Variants in LMCD1 observed in about 807,000 individuals in gnomAD.
LMCD1 encodes the protein LIM and cysteine-rich domains protein 1.
Under a neutral mutation model 42.7 loss-of-function variants are expected in LMCD1, and 32 were observed. The ratio of observed to expected loss-of-function variants is 0.75; its 90% CI spans 0.57 to 1.01. LMCD1 has a LOEUF of 1.01. Among genes scored for constraint, LMCD1 ranks in the 50% least tolerant of loss-of-function variants. The pLI is 0.00. For synonymous variants in LMCD1, 178 were observed against 184.9 expected (o/e 0.96, Z 0.30); for missense variants, 458 against 483.1 (o/e 0.95, Z 0.49).
At chr3:8,551,395 TCA>T in intron 4 of LMCD1, 1 of 934,536 alleles carries the variant, frequency 1.1e-6, no homozygotes, top group East Asian at 1.2e-4. Context: ...AACACTATGC[TCA>T]CACTGTCAGG....
At chr3:8,550,860 C>G in intron 4 of LMCD1, 9 of 985,120 alleles carry the variant, frequency 9.1e-6, no homozygotes, top group African/African-American at 1.7e-5. Flanking sequence ...ATCGCCATTC[C>G]CAAGAGACAT....
chr3:8,555,722 T>C (rs1694924300), intron 4 of LMCD1, among the ~76,000 whole-genome samples: 1 of 147,772 alleles, frequency 6.8e-6, no homozygotes, highest in Non-Finnish European at 1.5e-5. Flanking sequence ...CGAGCTTTTT[T>C]TTTTTTTTTT....
intron 1 of LMCD1, among the ~76,000 whole-genome samples, chr3:8,507,121 T>G (rs1265469911): frequency 6.6e-6 from 1 of 152,200 alleles, no homozygotes; most frequent in East Asian, 1.9e-4. Context: ...ACCAGCCACT[T>G]TTGCAGGACT....
intron 1 of LMCD1, among the ~76,000 whole-genome samples, chr3:8,519,741 C>CAA (rs59146036): frequency 5.3e-4 from 58 of 109,564 alleles, no homozygotes; most frequent in African/African-American, 1.9e-3. Flanking sequence ...CATATGATAG[C>CAA]AAAAAAAAAA....
chr3:8,538,519 T>C (rs1197900549), intron 3 of LMCD1, among the ~76,000 whole-genome samples: 1 of 152,130 alleles, frequency 6.6e-6, no homozygotes, highest in Non-Finnish European at 1.5e-5. Context: ...ATCACTGTGC[T>C]CTCACTCCCA....
At chr3:8,525,513 C>T (rs1228025159) in intron 1 of LMCD1, among the ~76,000 whole-genome samples, 1 of 151,994 alleles carries the variant, frequency 6.6e-6, no homozygotes, top group Admixed American at 6.6e-5. Flanking sequence ...TTGTGAATAG[C>T]GCTGCAGTGA....
chr3:8,512,800 G>A (rs1559344953), intron 1 of LMCD1, among the ~76,000 whole-genome samples: 1 of 152,186 alleles, frequency 6.6e-6, no homozygotes, highest in Non-Finnish European at 1.5e-5. Flanking sequence ...AAGAGGCTTA[G>A]GGATTCTCTA....
intron 1 of LMCD1, among the ~76,000 whole-genome samples, chr3:8,506,165 C>A (rs752775744): frequency 1.3e-5 from 2 of 152,174 alleles, no homozygotes; most frequent in Non-Finnish European, 2.9e-5. Context: ...AGTTGACTTT[C>A]ACCAATGTAT....
At chr3:8,526,134 C>G (rs140803987) in intron 1 of LMCD1, among the ~76,000 whole-genome samples, 345 of 152,286 alleles carry the variant, frequency 2.3e-3, no homozygotes, top group African/African-American at 7.6e-3. Context: ...AAGGAGCACT[C>G]CCCTCCTCAC....
In LMCD1 at chr3:8,573,551, A is replaced by G. The variant is rs1473136067; in HGVS notation, c.*5953A>G. 2 of 152,236 alleles carry G rather than the reference A, an allele frequency of 1.3e-5. No individual in the cohort carries two copies. The highest frequency in any genetic ancestry group is 2.9e-5 in the Non-Finnish European group (2 of 68,044). The allele number at this position is 152,236 out of a possible 1,614,324, so 9.4% of individuals were successfully genotyped here. A position where few individuals can be genotyped will look rare whatever the true frequency, so the allele number is the denominator to read the frequency against. On this transcript the variant is annotated 3_prime_UTR_variant, in exon 6 of 6. Transcript: ENST00000157600. ...ATGAAAGATGAAACTATGCAATGGC[A>G]TGGCTGTTGGTCATTCACATCTCTC...
chr3:8,532,982 A>G (rs1694440981), intron 2 of LMCD1, among the ~76,000 whole-genome samples, 157 bp downstream of exon 2: 1 of 152,150 alleles, frequency 6.6e-6, no homozygotes, highest in African/African-American at 2.4e-5. Context: ...GGTCCAATTC[A>G]GAAACGAAAA....
Position 8,553,013 on chromosome 3 carries a change from TA to T in LMCD1, c.723+4111del, listed in dbSNP as rs369819549. Among the ~76,000 whole-genome samples the T allele has an allele frequency of 6.7e-4, 102 of 152,314 alleles. 2 individuals carry two copies. In the East Asian group the frequency reaches 0.017, roughly 25 times the overall value. ...TATGTATGTATTTATTTATGTGGGA[TA>T]GGGGGTGGATTACCCCAAGCGAGCC... On this transcript the variant is annotated intron_variant, in intron 4 of 5. Coordinates refer to ENST00000157600, the MANE Select transcript of LMCD1 (RefSeq NM_014583.4).
intron 1 of LMCD1, among the ~76,000 whole-genome samples, chr3:8,520,911 A>G (rs1694192916): frequency 2.0e-5 from 3 of 152,324 alleles, no homozygotes; most frequent in Admixed American, 2.0e-4. Flanking sequence ...CCCCTCAAAT[A>G]ACGGGCTGAC....
At chr3:8,557,441 G>A (rs1390170718) in intron 4 of LMCD1, among the ~76,000 whole-genome samples, 1 of 152,194 alleles carries the variant, frequency 6.6e-6, no homozygotes, top group African/African-American at 2.4e-5. Context: ...GGCACTCTGG[G>A]TTTAGACTGG....
At position 8,570,073 on chromosome 3, in the gene LMCD1, C is replaced by G. The variant is rs1264252141; in HGVS notation, c.*2475C>G. On this transcript the variant is annotated 3_prime_UTR_variant, in exon 6 of 6. Coordinates refer to ENST00000157600, the MANE Select transcript of LMCD1 (RefSeq NM_014583.4). ...GATACATGAATGCATGTGCAAAGGC[C>G]CTGTGGTGGAAGCCCCACCAGTTTA... 2.6e-5 allele frequency: 4 copies of G among 152,430 alleles called. No homozygotes were observed. Among genetic ancestry groups the G allele is most frequent in the African/African-American group, 7.2e-5 (3 of 41,394 alleles). The allele number at this position is 152,430 out of a possible 1,614,324, so 9.4% of individuals were successfully genotyped here.
At chr3:8,546,972 G>T (rs1694749577) in intron 3 of LMCD1, among the ~76,000 whole-genome samples, 1 of 152,182 alleles carries the variant, frequency 6.6e-6, no homozygotes, top group Non-Finnish European at 1.5e-5. Context: ...AGGCAAACTA[G>T]TAAATGTAAT....
chr3:8,566,140 T>C (rs139219783), intron 5 of LMCD1, among the ~76,000 whole-genome samples: 1 of 152,188 alleles, frequency 6.6e-6, no homozygotes, highest in Non-Finnish European at 1.5e-5. Context: ...TTATAAATGG[T>C]AGCTGCTGTT....
chr3:8,552,454 C>T lies in LMCD1; in HGVS notation c.723+3551C>T, dbSNP rs147189883. The stretch of plus-strand genomic sequence containing the variant: ...GTAGGCCTATGCTGTGGTCCTTACA[C>T]TGAAATCACCTGGAAGGCTTGTTCA... On this transcript the variant is annotated intron_variant, in intron 4 of 5. Coordinates refer to ENST00000157600, the MANE Select transcript of LMCD1 (RefSeq NM_014583.4). Among the ~76,000 whole-genome samples the T allele has an allele frequency of 2.0e-5, 3 of 152,286 alleles. No homozygotes were observed. The East Asian group carries it at 5.8e-4, about 29-fold the overall frequency.
chr3:8,510,164 C>A (rs1026657082), intron 1 of LMCD1, among the ~76,000 whole-genome samples: 1 of 152,272 alleles, frequency 6.6e-6, no homozygotes, highest in East Asian at 1.9e-4. Context: ...GGTACTGATT[C>A]ATGAGGCTGA....
Sources: gnomAD v4.1 joint callset for allele counts (sites outside exome capture counted in the v4.1 genomes callset) on GRCh38, gnomAD v4.1.1 for gene constraint, MANE v1.5 for transcripts, NCBI Gene and HGNC (gene_info 2026-07-23, HGNC 2026-07-21) for gene names.